PCDH17: variants seen among roughly 807,000 people sequenced by gnomAD.
The protein encoded by PCDH17 is protocadherin-17.
PCDH17 carries 21 observed loss-of-function variants against 67.7 expected under a neutral mutation model. The ratio of observed to expected loss-of-function variants is 0.31; its 90% confidence interval spans 0.22 to 0.45. The LOEUF is 0.45. Ranked by LOEUF, PCDH17 falls within the 20% of genes least tolerant of loss-of-function variation. PCDH17 has a pLI of 1.00. For missense variants in PCDH17, 1,471 were observed against 1,564.8 expected, an observed-to-expected ratio of 0.94 and a Z score of 1.01; for synonymous variants, 701 against 656.7, an observed-to-expected ratio of 1.07 and a Z score of -1.03.
rs993140264 is a variant in PCDH17, at chr13:57,663,779, A to G, written c.2566-2689A>G. 4.3e-4 allele frequency among the ~76,000 whole-genome samples: 66 copies of G among 152,162 alleles called. 1 individual carries two copies. Among genetic ancestry groups the G allele is most frequent in the African/African-American group, 1.5e-3 (62 of 41,450 alleles). ...ACTTTGTGAAATTCTATAATTAGAA[A>G]CCAACTTCTTTTTTCTACATTTCTT... On this transcript the variant is annotated intron_variant, in intron 1 of 3. Coordinates refer to ENST00000377918, the MANE Select transcript of PCDH17 (RefSeq NM_001040429.3).
intron 3 of PCDH17, among the ~76,000 whole-genome samples, chr13:57,709,959 C>T (rs1008414013): frequency 2.6e-5 from 4 of 151,816 alleles, no homozygotes; most frequent in East Asian, 1.9e-4. Flanking sequence ...ATAGTGTTAA[C>T]GGTTGAAACA....
intron 1 of PCDH17, among the ~76,000 whole-genome samples, chr13:57,655,824 G>C (rs1328514081): frequency 6.6e-6 from 1 of 152,038 alleles, no homozygotes; most frequent in Non-Finnish European, 1.5e-5. Flanking sequence ...TTGGTATTAA[G>C]GGGGATAGTA....
rs1027612114 is a variant in PCDH17 at position 57,712,170 on chromosome 13, T to A, written c.2798-12442T>A. ...TGGAAATTTGTCAAATCAAATAGTT[T>A]AATTGTAGTTCACTTATGGGTAGAC... On this transcript the variant is annotated intron_variant, in intron 3 of 3. Coordinates refer to ENST00000377918, the MANE Select transcript of PCDH17 (RefSeq NM_001040429.3). Among the ~76,000 whole-genome samples the A allele has an allele frequency of 2.0e-5, 3 of 151,888 alleles. No homozygotes were observed. The South Asian group carries it at 6.2e-4, about 31-fold the overall frequency.
At chr13:57,684,712 A>AT (rs1216217382) in intron 3 of PCDH17, among the ~76,000 whole-genome samples, 3 of 152,016 alleles carry the variant, frequency 2.0e-5, no homozygotes, top group Non-Finnish European at 4.4e-5. Context: ...TTGGTTTTAC[A>AT]TTATGAGTAT....
At chr13:57,720,596 T>G (rs896121949) in intron 3 of PCDH17, among the ~76,000 whole-genome samples, 7 of 152,088 alleles carry the variant, frequency 4.6e-5, no homozygotes, top group Non-Finnish European at 1.0e-4. Context: ...TGTATTTCTC[T>G]TATGGTAATT....
intron 1 of PCDH17, among the ~76,000 whole-genome samples, chr13:57,661,894 G>A (rs555426230): frequency 9.9e-5 from 15 of 152,178 alleles, no homozygotes; most frequent in African/African-American, 3.1e-4. Flanking sequence ...TTGAGACAGA[G>A]TCTCACTCTG....
Position 57,632,906 on chromosome 13 carries a change from A to G in PCDH17, c.360A>G (p.Val120=), listed in dbSNP as rs774842509. The G allele has an allele frequency of 3.1e-6, 5 of 1,614,070 alleles. No individual in the cohort carries two copies. In the South Asian group the frequency reaches 4.4e-5, roughly 14 times the overall value. The change falls in exon 1 of 4, where the codon GTA becomes GTG. Residue 120 remains valine (V), a synonymous_variant. Coordinates refer to ENST00000377918, the MANE Select transcript of PCDH17 (RefSeq NM_001040429.3). ...ANDKEICMIK[V]EIQDINDNAP... is the part of the protein sequence containing the mutation. Reference sequence around the variant, plus strand: ...ACAAGGAGATCTGCATGATCAAGGTAGAGATCCAGGACATCAACGACAACG... The same window carrying G: ...ACAAGGAGATCTGCATGATCAAGGTGGAGATCCAGGACATCAACGACAACG...
Position 57,667,556 on chromosome 13 carries a change from T to A in PCDH17, c.2797+723T>A, listed in dbSNP as rs927958515. Reference sequence around the variant, plus strand: ...TATAAGACTAAAAACTGTGAATAGGTTTTTTATGTCCTATTGTAAAAAGTG... The same window carrying A: ...TATAAGACTAAAAACTGTGAATAGGATTTTTATGTCCTATTGTAAAAAGTG... On this transcript the variant is annotated intron_variant, in intron 3 of 3. Coordinates refer to ENST00000377918, the MANE Select transcript of PCDH17 (RefSeq NM_001040429.3). 2.0e-4 allele frequency among the ~76,000 whole-genome samples: 30 copies of A among 152,058 alleles called. No individual in the cohort carries two copies. In the East Asian group the frequency reaches 5.6e-3, roughly 28 times the overall value.
At chr13:57,722,177 G>A (rs1379380965) in intron 3 of PCDH17, among the ~76,000 whole-genome samples, 3 of 152,044 alleles carry the variant, frequency 2.0e-5, no homozygotes, top group African/African-American at 7.2e-5. Flanking sequence ...TTATGTTGGT[G>A]GTTTCAAATT....
chr13:57,708,091 T>C (rs1348194207), intron 3 of PCDH17, among the ~76,000 whole-genome samples: 2 of 152,088 alleles, frequency 1.3e-5, no homozygotes, highest in Non-Finnish European at 2.9e-5. Context: ...AGGAGTTGTG[T>C]ACTTTATGTG....
In PCDH17 at chr13:57,656,832, G is replaced by A. The variant is rs562275867; in HGVS notation, c.2566-9636G>A. ...ACACAGAAGAGAATGGGTGATTTGA[G>A]GATGTTGGAGTTAGCAGTCTTTAAG... On this transcript the variant is annotated intron_variant, in intron 1 of 3. Coordinates refer to ENST00000377918, the MANE Select transcript of PCDH17 (RefSeq NM_001040429.3). Among the ~76,000 whole-genome samples, 28 of 152,264 alleles carry A rather than the reference G, an allele frequency of 1.8e-4. No individual in the cohort carries two copies. In the East Asian group the frequency reaches 2.5e-3, roughly 14 times the overall value.
At chr13:57,667,067 A>G (rs1356782003) in intron 3 of PCDH17, among the ~76,000 whole-genome samples, 2 of 152,120 alleles carry the variant, frequency 1.3e-5, no homozygotes, top group Admixed American at 1.3e-4. Context: ...ACTTGACCAA[A>G]GTCACTTGAT....
intron 3 of PCDH17, among the ~76,000 whole-genome samples, chr13:57,700,991 C>G (rs937117360): frequency 6.6e-6 from 1 of 151,966 alleles, no homozygotes; most frequent in African/African-American, 2.4e-5. Flanking sequence ...AGGAAAACCC[C>G]ATCTCAGTAA....
chr13:57,709,885 A>G (rs938225254), intron 3 of PCDH17: 3 of 152,162 alleles, frequency 2.0e-5, no homozygotes, highest in African/African-American at 7.2e-5. Context: ...AAAATAGCAT[A>G]GTAAGTGAGT....
intron 3 of PCDH17, among the ~76,000 whole-genome samples, chr13:57,696,311 ATCTT>A (rs1380865221): frequency 6.6e-6 from 1 of 151,434 alleles, no homozygotes; most frequent in African/African-American, 2.4e-5. Flanking sequence ...AATTATTTAA[ATCTT>A]TATTTTTAGA....
intron 3 of PCDH17, among the ~76,000 whole-genome samples, chr13:57,685,584 A>T (rs1285987025): frequency 6.6e-6 from 1 of 152,080 alleles, no homozygotes; most frequent in East Asian, 1.9e-4. Context: ...AAATTATTTT[A>T]AATCTACCAT....
At chr13:57,642,847 T>C (rs1488837560) in intron 1 of PCDH17, among the ~76,000 whole-genome samples, 1 of 151,602 alleles carries the variant, frequency 6.6e-6, no homozygotes, top group Non-Finnish European at 1.5e-5. Flanking sequence ...CAAAATAGCT[T>C]TCTTATTGTT....
At chr13:57,708,569 T>C (rs1373989090) in intron 3 of PCDH17, among the ~76,000 whole-genome samples, 3 of 151,824 alleles carry the variant, frequency 2.0e-5, no homozygotes, top group African/African-American at 7.3e-5. Context: ...AGGGTATACT[T>C]TAAAAATAGG....
At chr13:57,630,813 A>G (rs1243367046), upstream of PCDH17, among the ~76,000 whole-genome samples, 2 of 152,222 alleles carry the variant, frequency 1.3e-5, no homozygotes, top group South Asian at 2.1e-4. Flanking sequence ...AGGGAGGACC[A>G]TGAGGCGAGA....
Sources: allele counts gnomAD v4.1 joint callset (sites outside exome capture counted in the v4.1 genomes callset), GRCh38; gene constraint gnomAD v4.1.1; transcripts MANE v1.5; gene names NCBI Gene and HGNC (gene_info 2026-07-23, HGNC 2026-07-21).